Variants in KIRREL2 observed in about 807,000 individuals in gnomAD.
KIRREL2 encodes kirre like nephrin family adhesion molecule 2.
In KIRREL2, 56 loss-of-function variants were observed where a neutral mutation model predicts 73.4. That is an observed-to-expected ratio of 0.76 (90% confidence interval 0.62 to 0.95). The LOEUF (loss-of-function observed/expected upper bound fraction) is 0.95, where lower values mean the gene tolerates loss of function less well. KIRREL2 is among the 40% of genes least tolerant of loss of function. The probability of loss-of-function intolerance (pLI) is 0.00; values close to 1 mark genes in which losing one functional copy is unlikely to be tolerated. For synonymous variants in KIRREL2, 407 were observed against 404.0 expected, an observed-to-expected ratio of 1.01 and a Z score of -0.09; for missense variants, 896 against 935.0, an observed-to-expected ratio of 0.96 and a Z score of 0.54.
intron 9 of KIRREL2, 57 bp from the exon 10 acceptor site, chr19:35,861,473 CCGGCTTTGTTA>C: frequency 6.5e-7 from 1 of 1,539,306 alleles, no homozygotes; most frequent in Non-Finnish European, 8.9e-7. Context: ...CTGGACAGAC[CCGGCTTTGTTA>C]CAGCCTTTGG....
At chr19:35,862,443 T>C in intron 11 of KIRREL2, 50 bp from the exon 12 acceptor site, 2 of 1,380,158 alleles carry the variant, frequency 1.4e-6, no homozygotes, top group South Asian at 2.3e-5. Flanking sequence ...GAGCCCCCGC[T>C]TCCTGGTTCC....
In KIRREL2 at chr19:35,860,958, G is replaced by A. The variant is rs1343818271; in HGVS notation, c.978G>A (p.Gly326=). 2 of 1,613,892 alleles carry A rather than the reference G, an allele frequency of 1.2e-6. No individual in the cohort carries two copies. The highest frequency in any genetic ancestry group is 2.2e-5 in the East Asian group (1 of 44,898). ...CGGAGCCCGTGTCCGTGGACGTGGG[G>A]GAAGACGCTTCCTTCAGCTGCGCCT... ...AKPEPVSVDV[G]EDASFSCAWR... The change falls in exon 8 of 15, where the codon GGG becomes GGA. Residue 326 remains glycine (G), a synonymous_variant. Transcript: ENST00000360202.
At chr19:35,861,779 G>T in intron 10 of KIRREL2, 26 bp from the exon 11 acceptor site, 1 of 1,588,592 alleles carries the variant, frequency 6.3e-7, no homozygotes, top group Non-Finnish European at 8.6e-7. Flanking sequence ...AGTCTCCTCC[G>T]TGTCCTCCCT....
At chr19:35,861,395 G>A in intron 9 of KIRREL2, 141 bp downstream of exon 9, 2 of 1,469,262 alleles carry the variant, frequency 1.4e-6, no homozygotes, top group Non-Finnish European at 1.8e-6. Context: ...TATTGAAGGC[G>A]AGGCTTTTAG....
chr19:35,851,539 C>T, upstream of KIRREL2: 1 of 1,613,832 alleles, frequency 6.2e-7, no homozygotes, highest in Non-Finnish European at 8.5e-7. Context: ...CATCTTTGGC[C>T]CATTGCACCG....
intron 10 of KIRREL2, 80 bp downstream of exon 10, chr19:35,861,721 C>T: frequency 6.3e-7 from 1 of 1,584,750 alleles, no homozygotes; most frequent in South Asian, 1.1e-5. Context: ...ACTACTGTGA[C>T]CATTTCTGAC....
At chr19:35,851,606 G>A (rs754516370), upstream of KIRREL2, 38 of 1,613,962 alleles carry the variant, frequency 2.4e-5, no homozygotes, top group Non-Finnish European at 3.1e-5. Flanking sequence ...CTCCACCACC[G>A]TCAGGTTTTC....
chr19:35,864,402 C>T (rs1973862236), intron 13 of KIRREL2, among the ~76,000 whole-genome samples: 1 of 151,828 alleles, frequency 6.6e-6, no homozygotes, highest in South Asian at 2.1e-4. Flanking sequence ...GTTAGCCAGG[C>T]TGGTCTCAAA....
upstream of KIRREL2, chr19:35,855,893 T>A (rs529428959): frequency 6.6e-6 from 1 of 152,182 alleles, no homozygotes; most frequent in South Asian, 2.1e-4. Context: ...CTCCAGCCTC[T>A]CAAGGAACCG....
rs773812234 is a variant in KIRREL2 at position 35,860,324 on chromosome 19, C to A, written c.701C>A (p.Ser234Ter). Residue 234 changes from serine to a stop codon, truncating the protein, a stop_gained, in exon 6 of 15, where the codon TCG (serine) becomes TAG (stop). Coordinates refer to ENST00000360202, the MANE Select transcript of KIRREL2 (RefSeq NM_199180.4). LOFTEE classifies it high-confidence loss of function. ...QYPPEVTLSA[S>*]PHTVQEGEKV... ...CCCCCAGAGGTGACTCTGTCTGCTT[C>A]GCCACACACTGTGCAGGAGGGAGAG... is the stretch of plus-strand genomic sequence containing the variant. The A allele has an allele frequency of 1.9e-6, 3 of 1,614,038 alleles. No individual in the cohort carries two copies. Among genetic ancestry groups the A allele is most frequent in the Non-Finnish European group, 2.5e-6 (3 of 1,180,006 alleles).
At chr19:35,854,947 G>A (rs1348342609), upstream of KIRREL2, among the ~76,000 whole-genome samples, 2 of 152,004 alleles carry the variant, frequency 1.3e-5, no homozygotes, top group South Asian at 2.1e-4. Context: ...CCCTCCCCGC[G>A]TGCACATACA....
chr19:35,858,485 G>A lies in KIRREL2; in HGVS notation c.289G>A (p.Asp97Asn). Residue 97 changes from aspartate to asparagine, a missense_variant, in exon 3 of 15, where the codon GAT becomes AAT. Asp to Asn is a conservative substitution (Grantham distance 23). Coordinates refer to ENST00000360202, the MANE Select transcript of KIRREL2 (RefSeq NM_199180.4). ...DLHIRPVELE[D>N]EASYECQATQ... Reference sequence around the variant, plus strand: ...CCACATTAGGCCCGTGGAGCTAGAGGATGAAGCATCATATGAATGTCAGGC... The same window carrying A: ...CCACATTAGGCCCGTGGAGCTAGAGAATGAAGCATCATATGAATGTCAGGC... 4.3e-6 allele frequency: 7 copies of A among 1,614,176 alleles called. No individual in the cohort carries two copies. Among genetic ancestry groups the A allele is most frequent in the Non-Finnish European group, 5.1e-6 (6 of 1,180,036 alleles).
intron 13 of KIRREL2, among the ~76,000 whole-genome samples, chr19:35,863,638 G>C (rs1973812736): frequency 6.6e-6 from 1 of 151,872 alleles, no homozygotes; most frequent in South Asian, 2.1e-4. Context: ...TTTTAGTAGA[G>C]ATTGGGTTTC....
rs1456399109 is a variant in KIRREL2, at chr19:35,861,559, C to CCCTG, written c.1210_1213dup (p.His405ProfsTer33). The CCCTG allele has an allele frequency of 1.2e-6, 2 of 1,613,966 alleles. No individual in the cohort carries two copies. Among genetic ancestry groups the CCCTG allele is most frequent in the Admixed American group, 3.3e-5 (2 of 59,986 alleles). The stretch of plus-strand genomic sequence containing the variant: ...ATCCCAGCTCCCCCAGTAGTGACCG[C>CCCTG]CCTGCACTCTGCGCCTGCCTTCCTG... On this transcript the variant is annotated frameshift_variant, in exon 10 of 15. Transcript: ENST00000360202. LOFTEE classifies it high-confidence loss of function.
chr19:35,857,472 A>C lies in KIRREL2; in HGVS notation c.189A>C (p.Leu63=). 6.3e-7 allele frequency: 1 copy of C among 1,599,434 alleles called. No homozygotes were observed. ...AGTGGACTAAGAGTGGGCTGGCCCT[A>C]GGGGGCCAAAGGGACCTACCAGGTA... The part of the protein sequence containing the change: ...LVQWTKSGLA[L]GGQRDLPGWS... The change falls in exon 2 of 15, where the codon CTA becomes CTC. Residue 63 remains leucine (L), a synonymous_variant. Coordinates refer to ENST00000360202, the MANE Select transcript of KIRREL2 (RefSeq NM_199180.4).
intron 5 of KIRREL2, 81 bp from the exon 6 acceptor site, chr19:35,860,216 G>A (rs1003911050): frequency 4.9e-5 from 57 of 1,165,030 alleles, no homozygotes; most frequent in Non-Finnish European, 6.5e-5. Flanking sequence ...CTGGGATGGA[G>A]GAACCAGGGA....
At chr19:35,858,973 A>G in intron 4 of KIRREL2, 109 bp downstream of exon 4, 1 of 1,240,466 alleles carries the variant, frequency 8.1e-7, no homozygotes, top group Non-Finnish European at 1.2e-6. Context: ...GCAGAGGTTC[A>G]TGGGTTTGGA....
intron 14 of KIRREL2, among the ~76,000 whole-genome samples, chr19:35,865,493 C>A (rs1973929663): frequency 6.6e-6 from 1 of 152,186 alleles, no homozygotes; most frequent in Non-Finnish European, 1.5e-5. Flanking sequence ...ACCTTCCTTC[C>A]CATGTCTACC....
rs1371753955 is a variant in KIRREL2, at chr19:35,857,111, G to A, written c.-9G>A. 1.2e-6 allele frequency: 2 copies of A among 1,613,820 alleles called. No individual in the cohort carries two copies. Among genetic ancestry groups the A allele is most frequent in the Non-Finnish European group, 1.7e-6 (2 of 1,179,996 alleles). On this transcript the variant is annotated 5_prime_UTR_variant, in exon 1 of 15. Coordinates refer to ENST00000360202, the MANE Select transcript of KIRREL2 (RefSeq NM_199180.4). ...TGCGACGGCAAATCTCGTGAACCTT[G>A]GGGGACGAATGCTCAGGATGCGGGT...
Sources: allele counts gnomAD v4.1 joint callset (sites outside exome capture counted in the v4.1 genomes callset), GRCh38; gene constraint gnomAD v4.1.1; transcripts MANE v1.5; gene names NCBI Gene and HGNC (gene_info 2026-07-23, HGNC 2026-07-21).